The following ARAF variants were observed in gnomAD, a reference collection of about 807,000 sequenced individuals.
ARAF encodes A-Raf proto-oncogene, serine/threonine kinase.
Under a neutral mutation model 48.0 loss-of-function variants are expected in ARAF, and 18 were observed. That is an observed-to-expected ratio of 0.37 (90% CI 0.26 to 0.56). The LOEUF (loss-of-function observed/expected upper bound fraction) is 0.56. Ranked by LOEUF, ARAF falls within the 20% of genes least tolerant of loss-of-function variation. The pLI is 0.77. For synonymous variants in ARAF, 207 were observed against 220.1 expected, an observed-to-expected ratio of 0.94 and a Z score of 0.53; for missense variants, 389 against 543.1, an observed-to-expected ratio of 0.72 and a Z score of 2.82.
rs1189502973 is a variant in ARAF, at chrX:47,571,356, C to T, written c.1720C>T (p.Leu574Phe). 1 of 1,211,076 alleles carries T rather than the reference C, an allele frequency of 8.3e-7. No individual in the cohort carries two copies. The highest frequency in any genetic ancestry group is 1.8e-5 in the South Asian group (1 of 56,777). The stretch of plus-strand genomic sequence containing the variant: ...CACAATTGAGCTGCTGCAACGGTCA[C>T]TCCCCAAGATTGAGCGGAGTGCCTC... ...LATIELLQRSLPKIERSASEP... is the reference protein window; with the variant it reads ...LATIELLQRSFPKIERSASEP... Residue 574 changes from leucine to phenylalanine, a missense_variant, in exon 16 of 16, where the codon CTC (leucine) becomes TTC (phenylalanine). Leu to Phe is a conservative substitution (Grantham distance 22). Around this residue, in one of 4 missense-constraint regions of ARAF, gnomAD observed 170 missense variants for 281.4 expected, o/e 0.60. Transcript: ENST00000377045.
At position 47,571,029 on chromosome X, in the gene ARAF, G is replaced by T; in HGVS notation, c.1686+17G>T. ...TTCCCCCAGGTGGGCTGGGTAGGGG[G>T]CTGGACACCTTGGGTGGGTGACTCT... On this transcript the variant is annotated intron_variant, in intron 15 of 15. Coordinates refer to ENST00000377045, the MANE Select transcript of ARAF (RefSeq NM_001654.5). The T allele has an allele frequency of 8.3e-7, 1 of 1,206,619 alleles. No individual in the cohort carries two copies. Among genetic ancestry groups the T allele is most frequent in the South Asian group, 1.8e-5 (1 of 56,028 alleles).
Position 47,571,427 on chromosome X carries a change from C to T in ARAF, c.1791C>T (p.Cys597=), listed in dbSNP as rs765069634. 5.8e-6 allele frequency: 7 copies of T among 1,207,647 alleles called. No individual in the cohort carries two copies. The Admixed American group carries it at 1.5e-4, about 26-fold the overall frequency. Residue 597 remains cysteine, a synonymous_variant, in exon 16 of 16, where the codon TGC becomes TGT. Transcript: ENST00000377045. ...HRTQADELPA[C]LLSAARLVP ...CCCAGGCCGATGAGTTGCCTGCCTG[C>T]CTACTCAGCGCAGCCCGCCTTGTGC...
intron 1 of ARAF, among the ~76,000 whole-genome samples, chrX:47,561,461 ATGGTTTCGCCCGCTGCTAGTGG>A (rs1289987786): frequency 1.8e-5 from 2 of 111,630 alleles, no homozygotes; most frequent in African/African-American, 6.5e-5. Context: ...GCTGCGGGTG[ATGGTTTCGCCCGCTGCTAGTGG>A]TGGTGCGCCT....
chrX:47,564,832 C>T lies in ARAF; in HGVS notation c.236C>T (p.Ala79Val). ...KTVTAWDTAI[A>V]PLDGEELIVE... Reference sequence around the variant, plus strand: ...GTCACTGCCTGGGACACAGCCATTGCTCCCCTGGATGGCGAGGAGCTCATT... The same window carrying T: ...GTCACTGCCTGGGACACAGCCATTGTTCCCCTGGATGGCGAGGAGCTCATT... Residue 79 changes from alanine to valine, a missense_variant, in exon 4 of 16, where the codon GCT becomes GTT. Coordinates refer to ENST00000377045, the MANE Select transcript of ARAF (RefSeq NM_001654.5). 8.3e-7 allele frequency: 1 copy of T among 1,208,916 alleles called. No individual in the cohort carries two copies. The highest frequency in any genetic ancestry group is 1.1e-6 in the Non-Finnish European group (1 of 893,975).
chrX:47,563,143 G>A, intron 2 of ARAF, 80 bp downstream of exon 2: 2 of 1,152,547 alleles, frequency 1.7e-6, no homozygotes, highest in Middle Eastern at 2.4e-4. Flanking sequence ...ACAACGGTTG[G>A]GGGAGGCCTT....
Position 47,563,248 on chromosome X carries a change from G to C in ARAF, c.119G>C (p.Ser40Thr). The change falls in exon 3 of 16, where the codon AGT becomes ACT. Residue 40 changes from serine (S) to threonine (T), a missense_variant. Ser to Thr is a moderately conservative substitution (Grantham distance 58, BLOSUM62 1). Transcript: ENST00000377045. The stretch of plus-strand genomic sequence containing the variant: ...CAGGTGACTGTCCGGGATGGCATGA[G>C]TGTCTACGACTCTCTAGACAAGGCC... The part of the protein sequence containing the change: ...RTVVTVRDGM[S>T]VYDSLDKALK... 8.3e-7 allele frequency: 1 copy of C among 1,210,675 alleles called. No individual in the cohort carries two copies. Among genetic ancestry groups the C allele is most frequent in the Non-Finnish European group, 1.1e-6 (1 of 894,827 alleles).
chrX:47,566,962 C>T (rs2147906366), intron 8 of ARAF, 24 bp from the exon 9 acceptor site: 2 of 1,211,685 alleles, frequency 1.7e-6, no homozygotes, highest in Non-Finnish European at 2.2e-6. Context: ...CTTACCTCCA[C>T]TCACATCCTC....
rs954175243 is a variant in ARAF, at chrX:47,566,650, A to C, written c.569A>C (p.Gln190Pro). 2.2e-5 allele frequency: 26 copies of C among 1,171,637 alleles called. No individual in the cohort carries two copies. Among genetic ancestry groups the C allele is most frequent in the Non-Finnish European group, 3.0e-5 (26 of 874,883 alleles). Residue 190 changes from glutamine to proline, a missense_variant, in exon 7 of 16, where the codon CAG (glutamine) becomes CCG (proline). This residue lies in a region of ARAF where 154 missense variants were observed against 133.6 expected (regional missense o/e 1.15). Coordinates refer to ENST00000377045, the MANE Select transcript of ARAF (RefSeq NM_001654.5). ...LTPQGPSPRT[Q>P]HCDPEHFPFP... ...CTTTCCCCTGGCAGCCCCCGCACCC[A>C]GCACTGTGACCCGGAGCACTTCCCC...
rs770073846 is a variant in ARAF at position 47,567,268 on chromosome X, G to A, written c.912G>A (p.Glu304=). 1 of 1,209,898 alleles carries A rather than the reference G, an allele frequency of 8.3e-7. No homozygotes were observed. Among genetic ancestry groups the A allele is most frequent in the South Asian group, 1.8e-5 (1 of 56,787 alleles). Residue 304 remains glutamate, a synonymous_variant, in exon 10 of 16, where the codon GAG becomes GAA. Coordinates refer to ENST00000377045, the MANE Select transcript of ARAF (RefSeq NM_001654.5). ...LGYRDSGYYW[E]VPPSEVQLLK... ...ACCGGGACTCAGGCTATTACTGGGA[G>A]GTACCACCCAGTGAGGTGCAGCTGC...
Position 47,566,619 on chromosome X carries a change from C to G in ARAF, c.558-20C>G. ...GTTCTCTGATTCCTGGCAGTGATTT[C>G]ACAGCCTTTCCCCTGGCAGCCCCCG... On this transcript the variant is annotated intron_variant, in intron 6 of 15. Transcript: ENST00000377045. 3 of 1,141,926 alleles carry G rather than the reference C, an allele frequency of 2.6e-6. No individual in the cohort carries two copies. Among genetic ancestry groups the G allele is most frequent in the Non-Finnish European group, 3.5e-6 (3 of 860,803 alleles). The allele number at this position is 1,141,926 out of a possible 1,213,427, so 94.1% of individuals were successfully genotyped here.
chrX:47,565,481 G>A (rs1447937943), intron 6 of ARAF, 131 bp downstream of exon 6: 1 of 1,024,865 alleles, frequency 9.8e-7, no homozygotes, highest in African/African-American at 1.9e-5. Flanking sequence ...GTGAGTAAGG[G>A]CATGAAACTG....
intron 14 of ARAF, 27 bp from the exon 15 acceptor site, chrX:47,570,851 C>A: frequency 1.7e-6 from 2 of 1,198,722 alleles, no homozygotes; most frequent in South Asian, 1.8e-5. Context: ...CCCAGATCAC[C>A]CCTTTCCTGC....
At chrX:47,568,687 C>T in intron 10 of ARAF, 31 bp from the exon 11 acceptor site, 1 of 1,200,300 alleles carries the variant, frequency 8.3e-7, no homozygotes, top group South Asian at 1.8e-5. Context: ...TTTTTCCTCC[C>T]CACCTCTGAC....
At chrX:47,565,445 C>T in intron 6 of ARAF, 95 bp downstream of exon 6, 1 of 1,124,574 alleles carries the variant, frequency 8.9e-7, no homozygotes, top group African/African-American at 1.8e-5. Context: ...GTTTACTTGA[C>T]AAACATTTAT....
chrX:47,569,457 TA>T (rs770823568), intron 12 of ARAF, 81 bp from the exon 13 acceptor site: 53 of 781,598 alleles, frequency 6.8e-5, no homozygotes, highest in Middle Eastern at 2.9e-4. Flanking sequence ...ATGAGTGGTA[TA>T]GGGGCACCAA....
rs2147906581 is a variant in ARAF, at chrX:47,567,037, C to T, written c.779C>T (p.Pro260Leu). The T allele has an allele frequency of 8.3e-7, 1 of 1,211,996 alleles. No homozygotes were observed. Among genetic ancestry groups the T allele is most frequent in the Non-Finnish European group, 1.1e-6 (1 of 895,584 alleles). ...GGAACCCCCCGGGGGAGCCCCAGCC[C>T]AGCCAGCGTGTCCTCGGGGAGGAAG... Reference protein sequence around the residue: ...SDGTPRGSPSPASVSSGRKSP... With the variant: ...SDGTPRGSPSLASVSSGRKSP... The change falls in exon 9 of 16, where the codon CCA (proline) becomes CTA (leucine). Residue 260 changes from proline (P) to leucine (L), a missense_variant. Pro to Leu is a moderately conservative substitution (Grantham distance 98). Transcript: ENST00000377045.
rs377336364 is a variant in ARAF, at chrX:47,564,907, C to T, written c.303+8C>T. On this transcript the variant is annotated splice_region_variant and intron_variant, in intron 4 of 15. Coordinates refer to ENST00000377045, the MANE Select transcript of ARAF (RefSeq NM_001654.5). ...CTGACCATGCACAATTTTGTGAGTG[C>T]AGGGTGGACGGTGGGGGTGGACCAT... is the stretch of plus-strand genomic sequence containing the variant. 3.3e-6 allele frequency: 4 copies of T among 1,209,010 alleles called. No individual in the cohort carries two copies. In the African/African-American group the frequency reaches 7.0e-5, roughly 21 times the overall value.
chrX:47,563,555 T>C (rs2057719717), intron 3 of ARAF, among the ~76,000 whole-genome samples: 1 of 112,316 alleles, frequency 8.9e-6, no homozygotes, highest in Admixed American at 9.4e-5. Flanking sequence ...TTTCTATTCT[T>C]GTCTTCTACC....
rs1314379700 is a variant in ARAF at position 47,571,652 on chromosome X, C to T, written c.*195C>T. On this transcript the variant is annotated 3_prime_UTR_variant, in exon 16 of 16. Coordinates refer to ENST00000377045, the MANE Select transcript of ARAF (RefSeq NM_001654.5). Reference sequence around the variant, plus strand: ...GGACCCCCGCCAAAGACTGAGCCCCCTGTCTCCTCCATCATTTGGTTTCCT... The same window carrying T: ...GGACCCCCGCCAAAGACTGAGCCCCTTGTCTCCTCCATCATTTGGTTTCCT... 11 of 552,913 alleles carry T rather than the reference C, an allele frequency of 2.0e-5. No individual in the cohort carries two copies. Among genetic ancestry groups the T allele is most frequent in the Middle Eastern group, 5.7e-4 (1 of 1,753 alleles). The allele number at this position is 552,913 out of a possible 1,213,427, so 45.6% of individuals were successfully genotyped here.
Sources: allele counts gnomAD v4.1 joint callset (sites outside exome capture counted in the v4.1 genomes callset), GRCh38; gene constraint gnomAD v4.1.1; regional missense constraint gnomAD v4.1.1; transcripts MANE v1.5; gene names NCBI Gene and HGNC (gene_info 2026-07-23, HGNC 2026-07-21).